The following PPM1D variants were observed in gnomAD, a reference collection of about 807,000 sequenced individuals.
PPM1D encodes protein phosphatase 1D.
In PPM1D, 52 loss-of-function variants were observed where a neutral mutation model predicts 58.3. The observed-to-expected ratio is 0.89, with a 90% CI of 0.71 to 1.12. The LOEUF (loss-of-function observed/expected upper bound fraction) is 1.12. PPM1D is among the 50% of genes most tolerant of loss of function. The pLI is 0.00. For missense variants in PPM1D, 564 were observed against 777.2 expected, an observed-to-expected ratio of 0.73 and a Z score of 3.26; for synonymous variants, 278 against 285.1, an observed-to-expected ratio of 0.98 and a Z score of 0.25.
At position 60,656,862 on chromosome 17, in the gene PPM1D, T is replaced by A. The variant is rs1334763389; in HGVS notation, c.1260+21T>A. 1.9e-6 allele frequency: 3 copies of A among 1,613,456 alleles called. No homozygotes were observed. The Admixed American group carries it at 5.0e-5, about 27-fold the overall frequency. On this transcript the variant is annotated intron_variant, in intron 5 of 5. Transcript: ENST00000305921. ...TCAAGGTATATAGTTCCATAGTTTTTAAGTTATGTTTTAATAGACACCAGT... is the reference window on the plus strand; with the variant it reads ...TCAAGGTATATAGTTCCATAGTTTTAAAGTTATGTTTTAATAGACACCAGT...
chr17:60,661,242 G>GAAAA (rs2031521286), intron 5 of PPM1D, among the ~76,000 whole-genome samples: 1 of 146,852 alleles, frequency 6.8e-6, no homozygotes, highest in African/African-American at 2.6e-5. Context: ...AAAAAAAAAG[G>GAAAA]AAAGGTGTTT....
At chr17:60,661,450 A>G (rs1048161605) in intron 5 of PPM1D, among the ~76,000 whole-genome samples, 1 of 152,132 alleles carries the variant, frequency 6.6e-6, no homozygotes, top group African/African-American at 2.4e-5. Context: ...CAATGATTTT[A>G]TGAAATGTTA....
chr17:60,616,287 CAAAAA>C (rs540660869), intron 1 of PPM1D, among the ~76,000 whole-genome samples: 1 of 70,452 alleles, frequency 1.4e-5, no homozygotes, highest in Admixed American at 1.7e-4. Context: ...GGCTCTGTCT[CAAAAA>C]AAAAAAAAAA....
chr17:60,643,790 C>T (rs1277594460), intron 3 of PPM1D, among the ~76,000 whole-genome samples: 1 of 151,972 alleles, frequency 6.6e-6, no homozygotes, highest in Non-Finnish European at 1.5e-5. Context: ...GTGAGTTTAC[C>T]CGTTCATGAA....
intron 2 of PPM1D, among the ~76,000 whole-genome samples, chr17:60,626,995 T>A (rs2030824295): frequency 6.6e-6 from 1 of 152,252 alleles, no homozygotes; most frequent in Middle Eastern, 3.2e-3. Flanking sequence ...CCCACATTAA[T>A]GTGTAGGGGC....
intron 3 of PPM1D, among the ~76,000 whole-genome samples, chr17:60,644,100 A>G (rs1349535443): frequency 6.6e-6 from 1 of 151,822 alleles, no homozygotes; most frequent in African/African-American, 2.4e-5. Context: ...GCTGGTCTCC[A>G]ACTGTTGACC....
chr17:60,640,314 CAAAAG>C (rs916035551), intron 3 of PPM1D, among the ~76,000 whole-genome samples: 28 of 152,156 alleles, frequency 1.8e-4, no homozygotes, highest in African/African-American at 6.8e-4. Flanking sequence ...TCAGAAAAAA[CAAAAG>C]AATTGTGTCT....
chr17:60,637,784 T>G (rs1222930245), intron 3 of PPM1D, among the ~76,000 whole-genome samples: 1 of 151,464 alleles, frequency 6.6e-6, no homozygotes, highest in Non-Finnish European at 1.5e-5. Context: ...GGATTAAAAT[T>G]AAAAAAAAAT....
chr17:60,630,019 A>G (rs2030887798), intron 2 of PPM1D, among the ~76,000 whole-genome samples: 1 of 151,944 alleles, frequency 6.6e-6, no homozygotes, highest in African/African-American at 2.4e-5. Flanking sequence ...CAGCCTGCCC[A>G]ACAAGAGTGA....
At chr17:60,613,892 C>T (rs868425278) in intron 1 of PPM1D, among the ~76,000 whole-genome samples, 2 of 123,998 alleles carry the variant, frequency 1.6e-5, no homozygotes, top group African/African-American at 8.7e-5. Context: ...TACCTGAGGC[C>T]CCCCCCCCGC....
intron 4 of PPM1D, among the ~76,000 whole-genome samples, chr17:60,652,367 C>A (rs995442255): frequency 1.3e-5 from 2 of 151,846 alleles, no homozygotes; most frequent in African/African-American, 4.8e-5. Flanking sequence ...GTATATACAC[C>A]ACATTTTCTT....
rs780886952 is a variant in PPM1D, at chr17:60,663,004, G to A, written c.1270G>A (p.Glu424Lys). ...CCTTCTTATTTTTCAGTCACTGGAG[G>A]AGGATCCATGGCCAAGGGTGAATTC... ...CSTPPVKSLE[E>K]DPWPRVNSKD... Residue 424 changes from glutamate (E) to lysine (K), a missense_variant, in exon 6 of 6, where the codon GAG becomes AAG. By Grantham distance (56) the Glu-to-Lys change is moderately conservative. Around this residue, in one of 7 missense-constraint regions of PPM1D, gnomAD observed 261 missense variants for 270.1 expected, o/e 0.97. Transcript: ENST00000305921. 8.1e-6 allele frequency: 13 copies of A among 1,604,374 alleles called. No individual in the cohort carries two copies. Among genetic ancestry groups the A allele is most frequent in the South Asian group, 5.5e-5 (5 of 90,144 alleles).
chr17:60,653,604 C>G (rs549949494), intron 4 of PPM1D, among the ~76,000 whole-genome samples: 1 of 152,246 alleles, frequency 6.6e-6, no homozygotes, highest in East Asian at 1.9e-4. Context: ...GGGATTGAAT[C>G]TTTAAATTGC....
At position 60,663,133 on chromosome 17, in the gene PPM1D, C is replaced by A. The variant is rs752448334; in HGVS notation, c.1399C>A (p.Pro467Thr). 1.2e-6 allele frequency: 2 copies of A among 1,614,046 alleles called. No homozygotes were observed. ...ARENVQGVVI[P>T]SKDPEPLEEN... The stretch of plus-strand genomic sequence containing the variant: ...AGAGAATGTCCAAGGTGTAGTCATA[C>A]CCTCAAAAGATCCAGAACCACTTGA... Residue 467 changes from proline (P) to threonine (T), a missense_variant, in exon 6 of 6, where the codon CCC (proline) becomes ACC (threonine). By Grantham distance (38) the Pro-to-Thr change is conservative. Around this residue, in one of 7 missense-constraint regions of PPM1D, gnomAD observed 261 missense variants for 270.1 expected, o/e 0.97. Transcript: ENST00000305921.
intron 4 of PPM1D, 38 bp from the exon 5 acceptor site, chr17:60,656,561 C>A: frequency 6.2e-7 from 1 of 1,600,180 alleles, no homozygotes; most frequent in South Asian, 1.1e-5. Flanking sequence ...GCAGCTAAAT[C>A]TGAGTTACTT....
At chr17:60,608,547 A>G (rs1666831047) in intron 1 of PPM1D, among the ~76,000 whole-genome samples, 1 of 151,976 alleles carries the variant, frequency 6.6e-6, no homozygotes, top group Admixed American at 6.6e-5. Flanking sequence ...GCTGAGATCA[A>G]CGACACTGCA....
At chr17:60,651,959 C>G (rs1345261874) in intron 4 of PPM1D, among the ~76,000 whole-genome samples, 1 of 151,938 alleles carries the variant, frequency 6.6e-6, no homozygotes, top group Admixed American at 6.6e-5. Context: ...GTTTCTAGTT[C>G]AAGAGAAAAG....
At chr17:60,629,177 A>T (rs570850734) in intron 2 of PPM1D, among the ~76,000 whole-genome samples, 1 of 152,224 alleles carries the variant, frequency 6.6e-6, no homozygotes, top group African/African-American at 2.4e-5. Context: ...ATGGAATTGC[A>T]TCTTGGTAGG....
At chr17:60,633,530 A>G (rs1187963662) in intron 2 of PPM1D, among the ~76,000 whole-genome samples, 1 of 151,910 alleles carries the variant, frequency 6.6e-6, no homozygotes, top group Non-Finnish European at 1.5e-5. Context: ...CTCCACTTAG[A>G]TAAGGCCTTC....
Sources: gnomAD v4.1 joint callset for allele counts (sites outside exome capture counted in the v4.1 genomes callset) on GRCh38, gnomAD v4.1.1 for gene constraint, gnomAD v4.1.1 regional missense constraint, MANE v1.5 for transcripts, NCBI Gene and HGNC (gene_info 2026-07-23, HGNC 2026-07-21) for gene names.